The following OXSR1 variants were observed in gnomAD, a reference collection of about 807,000 sequenced individuals.
The protein encoded by OXSR1 is oxidative stress responsive kinase 1, also known as serine/threonine-protein kinase OSR1.
In OXSR1, 24 loss-of-function variants were observed where a neutral mutation model predicts 79.8. The ratio of observed to expected loss-of-function variants is 0.30; its 90% CI spans 0.22 to 0.42. The LOEUF (loss-of-function observed/expected upper bound fraction) is 0.42, where lower values mean the gene tolerates loss of function less well. OXSR1 is among the 10% of genes least tolerant of loss of function. OXSR1 has a pLI of 1.00. For synonymous variants in OXSR1, 226 were observed against 209.2 expected (o/e 1.08, Z -0.69); for missense variants, 430 against 618.4 (o/e 0.70, Z 3.23).
chr3:38,197,220 CT>C (rs1702086147), intron 3 of OXSR1, among the ~76,000 whole-genome samples: 1 of 152,214 alleles, frequency 6.6e-6, no homozygotes. Context: ...TTAGGAAAAC[CT>C]GTCTGGAAGC....
At chr3:38,181,516 C>T (rs916235906) in intron 1 of OXSR1, among the ~76,000 whole-genome samples, 1 of 151,864 alleles carries the variant, frequency 6.6e-6, no homozygotes, top group East Asian at 1.9e-4. Flanking sequence ...CCACCACACC[C>T]AGCTAATTTT....
rs563448495 is a variant in OXSR1, at chr3:38,252,458, G to A, written c.1509+66G>A. The A allele has an allele frequency of 6.5e-5, 65 of 996,648 alleles. No individual in the cohort carries two copies. In the East Asian group the frequency reaches 1.5e-3, roughly 23 times the overall value. The allele number at this position is 996,648 out of a possible 1,614,324, so 61.7% of individuals were successfully genotyped here. ...ATACACTGGCAGCTTCTCCAGACCA[G>A]CTTCTATATCCCCTGAGTGATGAGA... is the stretch of plus-strand genomic sequence containing the variant. On this transcript the variant is annotated intron_variant, in intron 17 of 17. Coordinates refer to ENST00000311806, the MANE Select transcript of OXSR1 (RefSeq NM_005109.3).
intron 1 of OXSR1, among the ~76,000 whole-genome samples, chr3:38,168,684 C>T (rs1466664975): frequency 1.3e-5 from 2 of 152,298 alleles, no homozygotes; most frequent in Admixed American, 6.5e-5. Flanking sequence ...CTGTTCCCAC[C>T]CCCAGCCCCA....
At chr3:38,178,620 A>ATTTT (rs71085303) in intron 1 of OXSR1, among the ~76,000 whole-genome samples, 12 of 95,096 alleles carry the variant, frequency 1.3e-4, no homozygotes, top group South Asian at 3.8e-4. Context: ...ATATATATAT[A>ATTTT]TTTTTTTTTT....
At chr3:38,236,646 T>A (rs1189095211) in intron 10 of OXSR1, 193 bp from the exon 11 acceptor site, 1 of 398,910 alleles carries the variant, frequency 2.5e-6, no homozygotes, top group East Asian at 3.8e-5. Flanking sequence ...CGGTTGTTAC[T>A]AAAGACAGGT....
intron 4 of OXSR1, among the ~76,000 whole-genome samples, chr3:38,201,025 A>T (rs1179668700): frequency 6.6e-6 from 1 of 152,142 alleles, no homozygotes; most frequent in Non-Finnish European, 1.5e-5. Flanking sequence ...GATTTATATG[A>T]AGCCATTGGT....
In OXSR1 at chr3:38,190,799, A is replaced by G; in HGVS notation, c.252A>G (p.Val84=). 6.2e-7 allele frequency: 1 copy of G among 1,608,746 alleles called. No homozygotes were observed. The highest frequency in any genetic ancestry group is 8.5e-7 in the Non-Finnish European group (1 of 1,175,248). ...NIVSYYTSFV[V]KDELWLVMKL... ...TATCTTACTACACATCTTTTGTGGTAAAAGATGAGCTGTGGCTTGTCATGA... is the reference window on the plus strand; with the variant it reads ...TATCTTACTACACATCTTTTGTGGTGAAAGATGAGCTGTGGCTTGTCATGA... The change falls in exon 3 of 18, where the codon GTA becomes GTG. Residue 84 remains valine, a synonymous_variant. Transcript: ENST00000311806.
At chr3:38,197,409 C>T (rs1250959967) in intron 3 of OXSR1, among the ~76,000 whole-genome samples, 1 of 152,216 alleles carries the variant, frequency 6.6e-6, no homozygotes, top group East Asian at 1.9e-4. Flanking sequence ...TTCACTTCTT[C>T]CTCACTTGGT....
At chr3:38,238,036 T>C (rs1702954788) in intron 11 of OXSR1, among the ~76,000 whole-genome samples, 1 of 152,174 alleles carries the variant, frequency 6.6e-6, no homozygotes, top group Admixed American at 6.6e-5. Context: ...ACATTATAGC[T>C]TTTCAGTATC....
intron 8 of OXSR1, among the ~76,000 whole-genome samples, chr3:38,227,938 C>G (rs1257704978): frequency 6.6e-6 from 1 of 152,222 alleles, no homozygotes; most frequent in Non-Finnish European, 1.5e-5. Flanking sequence ...TCATGTGTCA[C>G]TTAAAATGAT....
chr3:38,245,945 T>G, intron 12 of OXSR1, 130 bp from the exon 13 acceptor site: 1 of 719,182 alleles, frequency 1.4e-6, no homozygotes, highest in Non-Finnish European at 2.4e-6. Context: ...ATATTCGGAG[T>G]AGACACAAAA....
At chr3:38,215,476 A>G (rs1214210616) in intron 4 of OXSR1, among the ~76,000 whole-genome samples, 2 of 152,196 alleles carry the variant, frequency 1.3e-5, no homozygotes, top group Non-Finnish European at 2.9e-5. Context: ...AATGGATAGT[A>G]TAATATTGTT....
intron 1 of OXSR1, among the ~76,000 whole-genome samples, chr3:38,180,616 C>G (rs1701766429): frequency 6.7e-6 from 1 of 148,362 alleles, no homozygotes; most frequent in African/African-American, 2.5e-5. Context: ...ACTGCAACCT[C>G]TGCCTCCCAG....
intron 1 of OXSR1, among the ~76,000 whole-genome samples, chr3:38,168,295 G>C (rs777765545): frequency 6.6e-6 from 1 of 152,152 alleles, no homozygotes; most frequent in Non-Finnish European, 1.5e-5. Flanking sequence ...CCATAATCCA[G>C]TTTTAGAATA....
intron 4 of OXSR1, among the ~76,000 whole-genome samples, chr3:38,213,662 A>G (rs765962350): frequency 2.0e-4 from 31 of 152,212 alleles, no homozygotes; most frequent in Non-Finnish European, 3.5e-4. Context: ...TGAGGTGTGT[A>G]GGAACTCCTG....
intron 1 of OXSR1, among the ~76,000 whole-genome samples, chr3:38,178,251 C>T (rs1332516845): frequency 5.9e-5 from 9 of 151,936 alleles, no homozygotes. Context: ...GTGCCCAGCC[C>T]CGTGCAGAGT....
chr3:38,175,639 G>A (rs1191699173), intron 1 of OXSR1, among the ~76,000 whole-genome samples: 2 of 152,190 alleles, frequency 1.3e-5, no homozygotes, highest in Non-Finnish European at 2.9e-5. Flanking sequence ...TTAGTAAAGC[G>A]GAGAGAAACT....
intron 8 of OXSR1, among the ~76,000 whole-genome samples, chr3:38,229,202 T>C (rs1702755199): frequency 6.6e-6 from 1 of 152,182 alleles, no homozygotes; most frequent in Non-Finnish European, 1.5e-5. Context: ...AATCTGTTTT[T>C]AGGGATCTGT....
chr3:38,210,439 A>C (rs996910738), intron 4 of OXSR1, among the ~76,000 whole-genome samples: 9 of 151,980 alleles, frequency 5.9e-5, no homozygotes, highest in Non-Finnish European at 8.8e-5. Context: ...GCATATTTCA[A>C]ATTGGTTACT....
Sources: gnomAD v4.1 joint callset for allele counts (sites outside exome capture counted in the v4.1 genomes callset) on GRCh38, gnomAD v4.1.1 for gene constraint, MANE v1.5 for transcripts, NCBI Gene and HGNC (gene_info 2026-07-23, HGNC 2026-07-21) for gene names.